Variants in GRID2 observed in about 807,000 individuals in gnomAD.
GRID2 encodes glutamate receptor ionotropic, delta-2.
A neutral mutation model predicts 114.8 loss-of-function variants in GRID2; 33 were observed. The observed-to-expected ratio is 0.29, with a 90% CI of 0.22 to 0.38. The LOEUF (loss-of-function observed/expected upper bound fraction) is 0.38. Ranked by LOEUF, GRID2 falls within the 10% of genes least tolerant of loss-of-function variation. The probability of loss-of-function intolerance (pLI) is 1.00; values close to 1 mark genes in which losing one functional copy is unlikely to be tolerated. For missense variants in GRID2, 1,184 were observed against 1,257.7 expected (o/e 0.94, Z 0.89); for synonymous variants, 505 against 449.9 (o/e 1.12, Z -1.55).
At chr4:93,457,313 A>G (rs1256438444) in intron 11 of GRID2, among the ~76,000 whole-genome samples, 1 of 152,070 alleles carries the variant, frequency 6.6e-6, no homozygotes. Flanking sequence ...CTTGAGGAAG[A>G]TGAATGGAGA....
At chr4:93,022,205 TACAC>T (rs886950448) in intron 2 of GRID2, among the ~76,000 whole-genome samples, 4 of 151,456 alleles carry the variant, frequency 2.6e-5, no homozygotes, top group Non-Finnish European at 4.4e-5. Context: ...CATACGCATA[TACAC>T]ACACACACAA....
At chr4:92,956,970 A>C (rs1285885565) in intron 2 of GRID2, among the ~76,000 whole-genome samples, 1 of 152,144 alleles carries the variant, frequency 6.6e-6, no homozygotes, top group Non-Finnish European at 1.5e-5. Context: ...TTGGTGAGGT[A>C]TCTTTTAATG....
chr4:92,754,355 C>G (rs2149341102), intron 2 of GRID2, among the ~76,000 whole-genome samples: 1 of 152,198 alleles, frequency 6.6e-6, no homozygotes, highest in African/African-American at 2.4e-5. Context: ...AGCATGATAC[C>G]AAGAAACAGC....
intron 2 of GRID2, among the ~76,000 whole-genome samples, chr4:92,630,872 A>G (rs1730771164): frequency 6.6e-6 from 1 of 152,088 alleles, no homozygotes; most frequent in African/African-American, 2.4e-5. Flanking sequence ...GACAACATCC[A>G]TGTGTGGGAT....
chr4:92,600,579 T>C (rs966075667), intron 2 of GRID2, among the ~76,000 whole-genome samples: 25 of 152,152 alleles, frequency 1.6e-4, no homozygotes, highest in African/African-American at 4.8e-4. Flanking sequence ...GACTTTTTCG[T>C]TGATGCTGTT....
At chr4:92,569,608 T>A (rs1342808718) in intron 1 of GRID2, among the ~76,000 whole-genome samples, 1 of 152,094 alleles carries the variant, frequency 6.6e-6, no homozygotes, top group Non-Finnish European at 1.5e-5. Context: ...AAACAGTCCT[T>A]CATTTTCCAC....
chr4:93,029,946 C>G (rs568939729), intron 2 of GRID2, among the ~76,000 whole-genome samples: 1 of 152,290 alleles, frequency 6.6e-6, no homozygotes, highest in South Asian at 2.1e-4. Flanking sequence ...TGCATGAGGG[C>G]TAACAGCTGC....
At chr4:93,648,781 G>A (rs1722334651) in intron 14 of GRID2, among the ~76,000 whole-genome samples, 1 of 152,020 alleles carries the variant, frequency 6.6e-6, no homozygotes, top group Non-Finnish European at 1.5e-5. Flanking sequence ...TGTAATACAT[G>A]GTCTTTGACT....
intron 2 of GRID2, among the ~76,000 whole-genome samples, chr4:92,772,225 T>G: frequency 6.6e-6 from 1 of 152,156 alleles, no homozygotes; most frequent in East Asian, 1.9e-4. Context: ...TTCTAGCCTT[T>G]ACTATGCTGA....
At chr4:93,291,268 A>G (rs2149145969) in intron 8 of GRID2, among the ~76,000 whole-genome samples, 1 of 152,308 alleles carries the variant, frequency 6.6e-6, no homozygotes, top group Middle Eastern at 3.4e-3. Flanking sequence ...ATTTGATCTT[A>G]TGTCAAAAAG....
At chr4:93,013,810 A>G (rs903121830) in intron 2 of GRID2, among the ~76,000 whole-genome samples, 6 of 152,150 alleles carry the variant, frequency 3.9e-5, no homozygotes, top group South Asian at 2.1e-4. Flanking sequence ...GGATATATAT[A>G]TATCTCACAT....
chr4:93,741,924 CAAA>C (rs34316739), intron 14 of GRID2, among the ~76,000 whole-genome samples: 4 of 106,450 alleles, frequency 3.8e-5, no homozygotes, highest in South Asian at 3.1e-4. Context: ...GACTCTGTCT[CAAA>C]AAAAAAAAAA....
chr4:92,819,520 C>G (rs1741130993), intron 2 of GRID2, among the ~76,000 whole-genome samples: 1 of 152,060 alleles, frequency 6.6e-6, no homozygotes, highest in African/African-American at 2.4e-5. Context: ...GGGCTAGTTA[C>G]TAAACTTCTT....
intron 4 of GRID2, among the ~76,000 whole-genome samples, chr4:93,161,777 C>T (rs950729630): frequency 6.6e-6 from 1 of 151,734 alleles, no homozygotes; most frequent in Non-Finnish European, 1.5e-5. Context: ...ATTCTCCCCC[C>T]TTCCTGCAAT....
intron 12 of GRID2, among the ~76,000 whole-genome samples, chr4:93,505,035 A>G (rs1460405301): frequency 6.6e-6 from 1 of 152,078 alleles, no homozygotes; most frequent in African/African-American, 2.4e-5. Context: ...GGGGCTATGT[A>G]CAAGTAAGGA....
intron 8 of GRID2, among the ~76,000 whole-genome samples, chr4:93,390,869 A>G (rs958829971): frequency 1.6e-4 from 25 of 152,154 alleles, no homozygotes; most frequent in African/African-American, 6.0e-4. Flanking sequence ...GTGTGTATAT[A>G]TATGCTGGTT....
intron 2 of GRID2, among the ~76,000 whole-genome samples, chr4:93,029,036 T>A (rs1724143915): frequency 6.6e-6 from 1 of 152,102 alleles, no homozygotes; most frequent in Non-Finnish European, 1.5e-5. Flanking sequence ...AATTTTAGAT[T>A]AACATTATGT....
chr4:92,841,186 C>T (rs531937481), intron 2 of GRID2, among the ~76,000 whole-genome samples: 46 of 152,180 alleles, frequency 3.0e-4, no homozygotes, highest in Non-Finnish European at 4.6e-4. Flanking sequence ...CAAAATTTTG[C>T]TTCCACAGGA....
intron 2 of GRID2, among the ~76,000 whole-genome samples, chr4:92,622,046 G>A (rs1376118): frequency 0.029 from 4,367 of 151,786 alleles, 194 homozygotes; most frequent in African/African-American, 0.098. Flanking sequence ...AATTCATGTG[G>A]AGTGGTTATA....
Sources: gnomAD v4.1 joint callset for allele counts (sites outside exome capture counted in the v4.1 genomes callset) on GRCh38, gnomAD v4.1.1 for gene constraint, MANE v1.5 for transcripts, NCBI Gene and HGNC (gene_info 2026-07-23, HGNC 2026-07-21) for gene names.